ZNF430: variants seen among roughly 807,000 people sequenced by gnomAD.
The protein encoded by ZNF430 is zinc finger protein 430.
Under a neutral mutation model 56.7 loss-of-function variants are expected in ZNF430, and 35 were observed. The ratio of observed to expected loss-of-function variants is 0.62; its 90% CI spans 0.47 to 0.82. The LOEUF (loss-of-function observed/expected upper bound fraction) is 0.82, where lower values mean the gene tolerates loss of function less well. ZNF430 is among the 40% of genes least tolerant of loss of function. The probability of loss-of-function intolerance (pLI) is 0.00; values close to 1 mark genes in which losing one functional copy is unlikely to be tolerated. For missense variants in ZNF430, 574 were observed against 661.0 expected (o/e 0.87, Z 1.44); for synonymous variants, 212 against 224.3 (o/e 0.94, Z 0.49).
At chr19:21,046,749 C>G (rs1412650903) in intron 4 of ZNF430, among the ~76,000 whole-genome samples, 1 of 152,122 alleles carries the variant, frequency 6.6e-6, no homozygotes, top group Non-Finnish European at 1.5e-5. Flanking sequence ...TGGCGTTTCT[C>G]TCTGGCTGCC....
At chr19:21,026,870 G>A (rs574764252) in intron 2 of ZNF430, among the ~76,000 whole-genome samples, 19 of 103,742 alleles carry the variant, frequency 1.8e-4, no homozygotes, top group Admixed American at 1.6e-3. Context: ...TCTTGCTCTC[G>A]CCAGGCTGGA....
In ZNF430 at chr19:21,033,503, G is replaced by A. The variant is rs778806581; in HGVS notation, c.144G>A (p.Glu48=). ...TGGCCATAGAATTTTCTCTGGAGGA[G>A]TGGCAATGCCTGGACACTGCTCAGC... ...RDVAIEFSLE[E]WQCLDTAQQD... is the part of the protein sequence containing the mutation. Residue 48 remains glutamate, a synonymous_variant, in exon 3 of 5, where the codon GAG becomes GAA. Coordinates refer to ENST00000261560, the MANE Select transcript of ZNF430 (RefSeq NM_025189.4). 2 of 1,611,878 alleles carry A rather than the reference G, an allele frequency of 1.2e-6. No individual in the cohort carries two copies. The highest frequency in any genetic ancestry group is 1.1e-5 in the South Asian group (1 of 91,016).
chr19:21,049,991 C>T (rs1304742521), intron 4 of ZNF430, among the ~76,000 whole-genome samples: 3 of 1,372 alleles, frequency 2.2e-3, no homozygotes, highest in South Asian at 0.022. Flanking sequence ...GTGGCTCGAT[C>T]TCAGCCTCAG....
chr19:21,025,925 C>G lies in ZNF430; in HGVS notation c.96+3044C>G, dbSNP rs189243443. 31 of 426,366 alleles carry G rather than the reference C, an allele frequency of 7.3e-5. No homozygotes were observed. The East Asian group carries it at 1.0e-3, about 14-fold the overall frequency. The allele number at this position is 426,366 out of a possible 1,614,324, so 26.4% of individuals were successfully genotyped here. On this transcript the variant is annotated intron_variant, in intron 2 of 4. Transcript: ENST00000261560. ...TGCAGCCATATCTTCTTAATACAGA[C>G]TGAAGTTTCTGTCATTGAGAACAGA...
At chr19:21,037,175 C>T (rs1046864417) in intron 4 of ZNF430, among the ~76,000 whole-genome samples, 5 of 149,550 alleles carry the variant, frequency 3.3e-5, no homozygotes, top group Admixed American at 1.3e-4. Flanking sequence ...AGTGCAATGA[C>T]GCAATCTCGG....
intron 4 of ZNF430, among the ~76,000 whole-genome samples, chr19:21,054,836 G>A (rs919074249): frequency 4.0e-5 from 6 of 151,704 alleles, no homozygotes; most frequent in South Asian, 2.1e-4. Context: ...CACCACGCCC[G>A]GCTGATTTTT....
At chr19:21,030,251 A>T (rs1159403628) in intron 2 of ZNF430, among the ~76,000 whole-genome samples, 6 of 152,134 alleles carry the variant, frequency 3.9e-5, no homozygotes, top group African/African-American at 1.4e-4. Context: ...TGTTCTTCTC[A>T]TCTGCCTGTA....
In ZNF430 at chr19:21,056,657, C is replaced by T; in HGVS notation, c.349C>T (p.Leu117Phe). The T allele has an allele frequency of 1.3e-6, 2 of 1,539,856 alleles. No homozygotes were observed. The highest frequency in any genetic ancestry group is 2.1e-5 in the Admixed American group (1 of 48,066). ...PVTYSHFAQD[L>F]WPEQGIKDSF... ...TACATATTCTCATTTTGCCCAAGACCTTTGGCCAGAGCAGGGCATAAAAGA... is the reference window on the plus strand; with the variant it reads ...TACATATTCTCATTTTGCCCAAGACTTTTGGCCAGAGCAGGGCATAAAAGA... Residue 117 changes from leucine (L) to phenylalanine (F), a missense_variant, in exon 5 of 5, where the codon CTT (leucine) becomes TTT (phenylalanine). Physicochemically the swap from Leu to Phe is conservative, Grantham distance 22 (BLOSUM62 0). Transcript: ENST00000261560.
intron 4 of ZNF430, among the ~76,000 whole-genome samples, chr19:21,050,539 C>A (rs1356374042): frequency 1.3e-5 from 2 of 151,960 alleles, no homozygotes; most frequent in Non-Finnish European, 2.9e-5. Context: ...AGTGGTTGTT[C>A]AATCTTGTCT....
rs1177811640 is a variant in ZNF430, at chr19:21,056,170, A to C, written c.323-461A>C. On this transcript the variant is annotated intron_variant, in intron 4 of 4. Coordinates refer to ENST00000261560, the MANE Select transcript of ZNF430 (RefSeq NM_025189.4). ...TTTGTTGGATGTTTTTGTTACATTT[A>C]CATGTCTGTAAAAAATTAGGGCCTT... Among the ~76,000 whole-genome samples the C allele has an allele frequency of 3.3e-5, 5 of 152,124 alleles. No individual in the cohort carries two copies. In the East Asian group the frequency reaches 9.6e-4, roughly 29 times the overall value.
intron 2 of ZNF430, among the ~76,000 whole-genome samples, chr19:21,024,997 G>A (rs1967766173): frequency 6.6e-6 from 1 of 152,018 alleles, no homozygotes; most frequent in Admixed American, 6.5e-5. Context: ...TTTTTTAAAT[G>A]AGAAAAAGAA....
At chr19:21,020,914 C>A (rs1974286000) in intron 1 of ZNF430, 111 bp downstream of exon 1, 2 of 1,481,798 alleles carry the variant, frequency 1.3e-6, no homozygotes, top group Non-Finnish European at 1.9e-6. Flanking sequence ...ACAATCTGCG[C>A]CCCGAGTTCT....
intron 4 of ZNF430, among the ~76,000 whole-genome samples, chr19:21,048,164 C>CTTTTTT (rs536496163): frequency 6.7e-5 from 4 of 59,814 alleles, no homozygotes; most frequent in African/African-American, 1.3e-4. Flanking sequence ...CATAAAACAT[C>CTTTTTT]TTTTTTTTTT....
At chr19:21,049,174 A>AG (rs1491475252) in intron 4 of ZNF430, among the ~76,000 whole-genome samples, 1 of 17,566 alleles carries the variant, frequency 5.7e-5, no homozygotes, top group East Asian at 3.0e-3. Flanking sequence ...ACTCCATCTC[A>AG]AAAAAAAAAA....
At chr19:21,027,760 G>A (rs1477152658) in intron 2 of ZNF430, among the ~76,000 whole-genome samples, 2 of 151,940 alleles carry the variant, frequency 1.3e-5, no homozygotes, top group Non-Finnish European at 2.9e-5. Context: ...CTAGGAATTT[G>A]TCTGGTTCTT....
Position 21,033,575 on chromosome 19 carries a change from C to T in ZNF430, c.216C>T (p.Val72=). ...TGTTAGAGAACTACAGAAACCTGGT[C>T]TTCTTGGGTGAGAATAACTTTAGTA... is the stretch of plus-strand genomic sequence containing the variant. ...KVMLENYRNL[V]FLAGIAVSKP... is the part of the protein sequence containing the mutation. The change falls in exon 3 of 5, where the codon GTC becomes GTT. Residue 72 remains valine, a synonymous_variant. Coordinates refer to ENST00000261560, the MANE Select transcript of ZNF430 (RefSeq NM_025189.4). 6.2e-7 allele frequency: 1 copy of T among 1,607,464 alleles called. No homozygotes were observed. Among genetic ancestry groups the T allele is most frequent in the East Asian group, 2.2e-5 (1 of 44,664 alleles).
intron 2 of ZNF430, among the ~76,000 whole-genome samples, chr19:21,025,436 T>G (rs1208791077): frequency 6.6e-6 from 1 of 152,174 alleles, no homozygotes; most frequent in Non-Finnish European, 1.5e-5. Context: ...ACCCAGATCT[T>G]TATAACCTGT....
chr19:21,053,157 T>G (rs1334475341), intron 4 of ZNF430, among the ~76,000 whole-genome samples: 1 of 152,070 alleles, frequency 6.6e-6, no homozygotes, highest in African/African-American at 2.4e-5. Context: ...CAATTATCTA[T>G]GTTGCAAACT....
intron 2 of ZNF430, among the ~76,000 whole-genome samples, chr19:21,032,955 T>G (rs1367736266): frequency 1.3e-5 from 2 of 152,220 alleles, no homozygotes; most frequent in African/African-American, 4.8e-5. Flanking sequence ...GCCCTTAATT[T>G]TATGCTTCTC....
Sources: allele counts gnomAD v4.1 joint callset (sites outside exome capture counted in the v4.1 genomes callset), GRCh38; gene constraint gnomAD v4.1.1; transcripts MANE v1.5; gene names NCBI Gene and HGNC (gene_info 2026-07-23, HGNC 2026-07-21).